MAP3K15: variants seen among roughly 807,000 people sequenced by gnomAD.
MAP3K15 encodes the protein MAPK/ERK kinase kinase 15.
A neutral mutation model predicts 99.5 loss-of-function variants in MAP3K15; 124 were observed. That is an observed-to-expected ratio of 1.25 (90% confidence interval 1.08 to 1.45). The LOEUF is 1.45. Ranked by LOEUF, MAP3K15 falls within the 40% of genes most tolerant of loss-of-function variation. The probability of loss-of-function intolerance (pLI) is 0.00; values close to 1 mark genes in which losing one functional copy is unlikely to be tolerated. For synonymous variants in MAP3K15, 494 were observed against 439.6 expected, an observed-to-expected ratio of 1.12 and a Z score of -1.55; for missense variants, 1,242 against 1,079.7, an observed-to-expected ratio of 1.15 and a Z score of -2.11.
chrX:19,489,396 G>A (rs184751954), intron 1 of MAP3K15, among the ~76,000 whole-genome samples: 1 of 111,152 alleles, frequency 9.0e-6, no homozygotes, highest in African/African-American at 3.3e-5. Context: ...CTCCTGCCCA[G>A]AGAGCATTTC....
rs2064553127 is a variant in MAP3K15, at chrX:19,515,087, G to A, written c.175C>T (p.Arg59Trp). 2 of 874,799 alleles carry A rather than the reference G, an allele frequency of 2.3e-6. No individual in the cohort carries two copies. The highest frequency in any genetic ancestry group is 5.2e-5 in the East Asian group (1 of 19,224). 72.1% of individuals were successfully genotyped at this position (874,799 alleles called of 1,213,427 possible). ...CGCACGTATACTGCCCGCAGAGCCC[G>A]CCGCGGCCCGCCCCCACTCTCGCCC... ...GEGESGGGPR[R>W]ALRAVYVRSE... is the part of the protein sequence containing the mutation. Residue 59 changes from arginine to tryptophan, a missense_variant, in exon 1 of 29, where the codon CGG becomes TGG. Coordinates refer to ENST00000338883, the MANE Select transcript of MAP3K15 (RefSeq NM_001001671.4).
intron 25 of MAP3K15, among the ~76,000 whole-genome samples, chrX:19,365,949 G>T (rs376320667): frequency 1.0e-5 from 1 of 99,893 alleles, no homozygotes; most frequent in African/African-American, 3.7e-5. Flanking sequence ...GAAGGTTGCA[G>T]TGAGCCAAGA....
At position 19,371,515 on chromosome X, in the gene MAP3K15, GCAA is replaced by G; in HGVS notation, c.3121_3123del (p.Leu1041del). On this transcript the variant is annotated inframe_deletion, in exon 23 of 29. Transcript: ENST00000338883. ...TGCTTGATGTGTCCAACTGAGAGATGCAACTCTTCGGAACTCTGAAAACACACA... is the reference window on the plus strand; with the variant it reads ...TGCTTGATGTGTCCAACTGAGAGATGCTCTTCGGAACTCTGAAAACACACA... 8.3e-7 allele frequency: 1 copy of G among 1,199,398 alleles called. No homozygotes were observed. Among genetic ancestry groups the G allele is most frequent in the Non-Finnish European group, 1.1e-6 (1 of 886,223 alleles).
chrX:19,456,895 G>A lies in MAP3K15; in HGVS notation c.995+18C>T, dbSNP rs373891090. The A allele has an allele frequency of 1.1e-4, 127 of 1,110,684 alleles. No homozygotes were observed. Among genetic ancestry groups the A allele is most frequent in the African/African-American group, 8.5e-4 (47 of 55,457 alleles). 91.5% of individuals were successfully genotyped at this position (1,110,684 alleles called of 1,213,427 possible). A position where few individuals can be genotyped will look rare whatever the true frequency, so the allele number is the denominator to read the frequency against. On this transcript the variant is annotated intron_variant, in intron 6 of 28. Transcript: ENST00000338883. ...GGGTGGCATGTTTCAAAACCTGTAC[G>A]TACATTATCGTTCTTACCTATTCAG...
intron 25 of MAP3K15, among the ~76,000 whole-genome samples, chrX:19,368,308 A>G (rs2063350286): frequency 9.0e-6 from 1 of 111,527 alleles, no homozygotes; most frequent in African/African-American, 3.3e-5. Context: ...ATACCTGGCT[A>G]ATTTTGTAGT....
intron 18 of MAP3K15, among the ~76,000 whole-genome samples, chrX:19,389,301 TAAAA>T (rs34025622): frequency 3.2e-5 from 2 of 62,848 alleles, no homozygotes; most frequent in Admixed American, 2.0e-4. Context: ...ATAAGGCTGC[TAAAA>T]AAAAAAAAAA....
At chrX:19,363,222 T>G (rs1166217770) in intron 25 of MAP3K15, among the ~76,000 whole-genome samples, 3 of 110,884 alleles carry the variant, frequency 2.7e-5, no homozygotes, top group African/African-American at 9.9e-5. Flanking sequence ...GTGAGAGGAG[T>G]GTCCTTGTGA....
chrX:19,432,087 G>T (rs2063887750), intron 6 of MAP3K15, among the ~76,000 whole-genome samples: 1 of 109,921 alleles, frequency 9.1e-6, no homozygotes, highest in Non-Finnish European at 1.9e-5. Context: ...CACTGCTTAA[G>T]ATCCACACCA....
Position 19,431,433 on chromosome X carries a change from T to G in MAP3K15, c.1166+5A>C. The G allele has an allele frequency of 8.3e-7, 1 of 1,198,130 alleles. No homozygotes were observed. Among genetic ancestry groups the G allele is most frequent in the Non-Finnish European group, 1.1e-6 (1 of 893,728 alleles). On this transcript the variant is annotated splice_donor_5th_base_variant and intron_variant, in intron 7 of 28. Coordinates refer to ENST00000338883, the MANE Select transcript of MAP3K15 (RefSeq NM_001001671.4). ...AAGTGCTCATAACTCGGGCTGAGGG[T>G]TTACCACTCAATGGCGCTGTCGCGG... is the stretch of plus-strand genomic sequence containing the variant.
intron 26 of MAP3K15, 47 bp from the exon 27 acceptor site, chrX:19,361,640 C>T (rs1185047575): frequency 2.3e-6 from 2 of 883,964 alleles, no homozygotes; most frequent in Non-Finnish European, 3.3e-6. Context: ...CCATAAAACT[C>T]TTCAAAAGTA....
intron 6 of MAP3K15, among the ~76,000 whole-genome samples, chrX:19,451,163 T>C (rs774981877): frequency 9.4e-6 from 1 of 106,010 alleles, no homozygotes; most frequent in African/African-American, 3.4e-5. Flanking sequence ...TGGGTGCCGG[T>C]AATCCCAGCT....
chrX:19,363,909 TC>T, intron 25 of MAP3K15, among the ~76,000 whole-genome samples: 1 of 110,815 alleles, frequency 9.0e-6, no homozygotes, highest in African/African-American at 3.3e-5. Context: ...TGCCTCGGCC[TC>T]CCAAAGTGCT....
chrX:19,364,776 C>T (rs981309604), intron 25 of MAP3K15, among the ~76,000 whole-genome samples: 3 of 108,533 alleles, frequency 2.8e-5, no homozygotes, highest in Admixed American at 9.9e-5. Context: ...GCCTGTAATC[C>T]GAGTTACTTG....
intron 1 of MAP3K15, among the ~76,000 whole-genome samples, chrX:19,500,068 G>A (rs765501412): frequency 9.8e-5 from 11 of 112,046 alleles, no homozygotes; most frequent in African/African-American, 3.6e-4. Flanking sequence ...CCAACATGGC[G>A]AAACCCAATC....
chrX:19,378,103 A>G (rs1237022556), intron 19 of MAP3K15, among the ~76,000 whole-genome samples: 1 of 112,639 alleles, frequency 8.9e-6, no homozygotes, highest in African/African-American at 3.2e-5. Context: ...CTTCTGCCCA[A>G]GAGGGAAGCA....
intron 24 of MAP3K15, 21 bp downstream of exon 24, chrX:19,370,938 G>C: frequency 8.9e-7 from 1 of 1,128,687 alleles, no homozygotes; most frequent in Non-Finnish European, 1.2e-6. Flanking sequence ...AGCTGACCTT[G>C]ACCACAAAGG....
Position 19,456,941 on chromosome X carries a change from T to A in MAP3K15, c.967A>T (p.Lys323Ter). 2 of 1,198,231 alleles carry A rather than the reference T, an allele frequency of 1.7e-6. No homozygotes were observed. The highest frequency in any genetic ancestry group is 2.2e-6 in the Non-Finnish European group (2 of 893,500). The change falls in exon 6 of 29, where the codon AAA becomes TAA. Residue 323 changes from lysine (K) to a stop codon, truncating the protein, a stop_gained. Transcript: ENST00000338883. LOFTEE classifies it high-confidence loss of function. ...TTCAGTGCAAACGCATAGTGGAATT[T>A]AATGTTATGCTGATCGGCCAAATCA... Reference protein sequence around the residue: ...TCDLADQHNIKFHYAFALNRR... With the variant: ...TCDLADQHNI
chrX:19,391,927 G>A (rs983748659), intron 18 of MAP3K15, 75 bp downstream of exon 18: 5 of 716,332 alleles, frequency 7.0e-6, no homozygotes, highest in South Asian at 2.4e-5. Flanking sequence ...ACTAAGTAAC[G>A]GCTGAACAAC....
chrX:19,453,522 A>G (rs2064071481), intron 6 of MAP3K15, among the ~76,000 whole-genome samples: 1 of 109,056 alleles, frequency 9.2e-6, no homozygotes, highest in African/African-American at 3.3e-5. Flanking sequence ...AAAAAGTAGT[A>G]TATGCAGTGT....
Sources: allele counts gnomAD v4.1 joint callset (sites outside exome capture counted in the v4.1 genomes callset), GRCh38; gene constraint gnomAD v4.1.1; transcripts MANE v1.5; gene names NCBI Gene and HGNC (gene_info 2026-07-23, HGNC 2026-07-21).